Variants in KCNIP1 observed in about 807,000 individuals in gnomAD.
The protein encoded by KCNIP1 is A-type potassium channel modulatory protein KCNIP1.
Under a neutral mutation model 33.0 loss-of-function variants are expected in KCNIP1, and 18 were observed. That is an observed-to-expected ratio of 0.55 (90% CI 0.38 to 0.81). KCNIP1 has a LOEUF of 0.81. Among genes scored for constraint, KCNIP1 ranks in the 30% least tolerant of loss-of-function variants. The probability of loss-of-function intolerance (pLI) is 0.00; values close to 1 mark genes in which losing one functional copy is unlikely to be tolerated. For missense variants in KCNIP1, 238 were observed against 271.6 expected, an observed-to-expected ratio of 0.88 and a Z score of 0.87; for synonymous variants, 93 against 98.3, an observed-to-expected ratio of 0.95 and a Z score of 0.32.
chr5:170,567,599 G>A (rs1010598323), intron 1 of KCNIP1, among the ~76,000 whole-genome samples: 1 of 152,234 alleles, frequency 6.6e-6, no homozygotes, highest in Non-Finnish European at 1.5e-5. Flanking sequence ...AAGAAGCAAT[G>A]GGGAAGGACA....
intron 1 of KCNIP1, among the ~76,000 whole-genome samples, chr5:170,473,424 G>A (rs1233119835): frequency 6.6e-6 from 1 of 152,166 alleles, no homozygotes; most frequent in African/African-American, 2.4e-5. Context: ...AAAGCAACGT[G>A]CCCGAAGTTA....
chr5:170,696,299 C>T (rs1762891109), intron 1 of KCNIP1, among the ~76,000 whole-genome samples: 1 of 152,130 alleles, frequency 6.6e-6, no homozygotes, highest in African/African-American at 2.4e-5. Flanking sequence ...GAGGATGGGC[C>T]TGACTTATTT....
At position 170,732,811 on chromosome 5, in the gene KCNIP1, C is replaced by T. The variant is rs1334761284; in HGVS notation, c.447C>T (p.Asp149=). The T allele has an allele frequency of 6.2e-7, 1 of 1,609,218 alleles. No homozygotes were observed. The highest frequency in any genetic ancestry group is 8.5e-7 in the Non-Finnish European group (1 of 1,175,626). The change falls in exon 6 of 8, where the codon GAC becomes GAT. Residue 149 remains aspartate (D), a synonymous_variant. Coordinates refer to ENST00000328939, the MANE Select transcript of KCNIP1 (RefSeq NM_014592.4). The stretch of plus-strand genomic sequence containing the variant: ...TGTCCCTGCTCCAGGAGATGATGGA[C>T]ATTGTCAAAGCCATCTATGACATGA... ...DGYINKEEMM[D]IVKAIYDMMG... is the part of the protein sequence containing the mutation.
Position 170,631,856 on chromosome 5 carries a change from C to T in KCNIP1, c.62-86902C>T, listed in dbSNP as rs1184523620. Among the ~76,000 whole-genome samples, 3 of 152,314 alleles carry T rather than the reference C, an allele frequency of 2.0e-5. No homozygotes were observed. In the South Asian group the frequency reaches 6.2e-4, roughly 32 times the overall value. ...GGGAAAGAGTAGCGCCGACAACAGC[C>T]CCAGATGGTATGTGCACTGGCACAT... is the stretch of plus-strand genomic sequence containing the variant. On this transcript the variant is annotated intron_variant, in intron 1 of 7. Coordinates refer to ENST00000328939, the MANE Select transcript of KCNIP1 (RefSeq NM_014592.4).
intron 1 of KCNIP1, among the ~76,000 whole-genome samples, chr5:170,440,608 C>T (rs1373730067): frequency 3.9e-5 from 6 of 152,144 alleles, no homozygotes; most frequent in Non-Finnish European, 8.8e-5. Context: ...TGTTTCATGG[C>T]TGAGTGAAGG....
intron 1 of KCNIP1, among the ~76,000 whole-genome samples, chr5:170,715,284 G>A (rs115138784): frequency 1.3e-3 from 191 of 152,264 alleles, no homozygotes; most frequent in African/African-American, 4.3e-3. Context: ...TATACTCCAC[G>A]ATGTTCACAC....
intron 1 of KCNIP1, among the ~76,000 whole-genome samples, chr5:170,645,668 G>T (rs79974198): frequency 0.01 from 1,592 of 152,166 alleles, 14 homozygotes; most frequent in Non-Finnish European, 0.015. Flanking sequence ...AGCAGATATC[G>T]TATTTTTCTC....
At chr5:170,640,945 C>A (rs899730634) in intron 1 of KCNIP1, among the ~76,000 whole-genome samples, 3 of 152,172 alleles carry the variant, frequency 2.0e-5, no homozygotes, top group African/African-American at 7.2e-5. Context: ...AACTCCACCC[C>A]AGAGCTGCTA....
intron 1 of KCNIP1, among the ~76,000 whole-genome samples, chr5:170,470,387 G>A (rs541748271): frequency 5.3e-5 from 8 of 152,080 alleles, no homozygotes; most frequent in African/African-American, 1.7e-4. Flanking sequence ...CTAGACCACC[G>A]TGAGCTCCCC....
chr5:170,563,764 C>CCGGGTTCAAGCGATTCT (rs1561689011), intron 1 of KCNIP1, among the ~76,000 whole-genome samples: 1 of 152,176 alleles, frequency 6.6e-6, no homozygotes, highest in African/African-American at 2.4e-5. Flanking sequence ...CCTCAGCCTC[C>CCGGGTTCAAGCGATTCT]CAAGTAGCTT....
intron 1 of KCNIP1, chr5:170,383,603 GA>G (rs781095389): frequency 6.6e-7 from 1 of 1,525,258 alleles, no homozygotes; most frequent in Admixed American, 1.7e-5. Context: ...CAGCCTCGGG[GA>G]CAGGGACAGT....
chr5:170,526,930 C>T (rs1392173570), intron 1 of KCNIP1, among the ~76,000 whole-genome samples: 1 of 152,048 alleles, frequency 6.6e-6, no homozygotes, highest in African/African-American at 2.4e-5. Flanking sequence ...ACCATGTTGG[C>T]CAGGCTGGTC....
intron 1 of KCNIP1, chr5:170,382,655 CT>C (rs5873227): frequency 0.024 from 3,112 of 129,504 alleles, 37 homozygotes; most frequent in Non-Finnish European, 0.037. Context: ...AAGAGCCTTT[CT>C]TTTTTTTTTT....
At chr5:170,394,919 G>A (rs536296095) in intron 1 of KCNIP1, among the ~76,000 whole-genome samples, 1 of 152,180 alleles carries the variant, frequency 6.6e-6, no homozygotes, top group East Asian at 1.9e-4. Context: ...TGCTGTAAAG[G>A]ACATGATTTC....
intron 1 of KCNIP1, among the ~76,000 whole-genome samples, chr5:170,622,516 G>A (rs1759642267): frequency 6.6e-6 from 1 of 151,974 alleles, no homozygotes; most frequent in Admixed American, 6.6e-5. Flanking sequence ...CAGCTACTCG[G>A]GAGGCTGAGG....
chr5:170,433,115 G>C (rs563070894), intron 1 of KCNIP1, among the ~76,000 whole-genome samples: 4 of 152,294 alleles, frequency 2.6e-5, no homozygotes, highest in Non-Finnish European at 5.9e-5. Context: ...AGAAAGTATC[G>C]TGACCTGATA....
At chr5:170,373,754 C>G (rs555741766) in intron 1 of KCNIP1, among the ~76,000 whole-genome samples, 1 of 152,166 alleles carries the variant, frequency 6.6e-6, no homozygotes. Context: ...TGTTACATGA[C>G]CTCTGGAACA....
At chr5:170,531,730 T>C (rs1402242847) in intron 1 of KCNIP1, among the ~76,000 whole-genome samples, 1 of 152,198 alleles carries the variant, frequency 6.6e-6, no homozygotes, top group Admixed American at 6.5e-5. Context: ...TACCTGTAAC[T>C]CAGCCCAGGG....
intron 1 of KCNIP1, among the ~76,000 whole-genome samples, chr5:170,631,811 C>T (rs894421135): frequency 2.6e-5 from 4 of 152,200 alleles, no homozygotes; most frequent in Non-Finnish European, 5.9e-5. Flanking sequence ...CCACTAGAGA[C>T]CTGGGCCAGT....
Sources: allele counts gnomAD v4.1 joint callset (sites outside exome capture counted in the v4.1 genomes callset), GRCh38; gene constraint gnomAD v4.1.1; transcripts MANE v1.5; gene names NCBI Gene and HGNC (gene_info 2026-07-23, HGNC 2026-07-21).